The following CAMK4 variants were observed in gnomAD, a reference collection of about 807,000 sequenced individuals.
CAMK4 encodes the protein calcium/calmodulin dependent protein kinase IV, also known as calcium/calmodulin-dependent protein kinase type IV.
In CAMK4, 22 loss-of-function variants were observed where a neutral mutation model predicts 44.9. The observed-to-expected ratio is 0.49, with a 90% CI of 0.35 to 0.70. The LOEUF is 0.70. CAMK4 is among the 30% of genes least tolerant of loss of function. The pLI is 0.01. For synonymous variants in CAMK4, 218 were observed against 215.4 expected, an observed-to-expected ratio of 1.01 and a Z score of -0.11; for missense variants, 498 against 586.8, an observed-to-expected ratio of 0.85 and a Z score of 1.56.
intron 1 of CAMK4, among the ~76,000 whole-genome samples, chr5:111,291,965 T>C (rs1747281200): frequency 6.6e-6 from 1 of 152,246 alleles, no homozygotes; most frequent in Admixed American, 6.5e-5. Flanking sequence ...ATAAAACATG[T>C]GTTTTAATAA....
chr5:111,434,577 T>G (rs1238105312), intron 5 of CAMK4, among the ~76,000 whole-genome samples: 1 of 152,204 alleles, frequency 6.6e-6, no homozygotes, highest in Non-Finnish European at 1.5e-5. Flanking sequence ...CAGACAGTCC[T>G]AACCAGGCCT....
intron 2 of CAMK4, among the ~76,000 whole-genome samples, chr5:111,360,648 G>C (rs930825484): frequency 2.6e-5 from 4 of 152,066 alleles, no homozygotes; most frequent in African/African-American, 9.7e-5. Context: ...TTACTCAGAA[G>C]AAGAGACTTA....
chr5:111,349,915 A>G (rs1334757417), intron 2 of CAMK4, among the ~76,000 whole-genome samples: 1 of 151,986 alleles, frequency 6.6e-6, no homozygotes, highest in Non-Finnish European at 1.5e-5. Flanking sequence ...GTATTAATCT[A>G]ACTATAAAAT....
intron 4 of CAMK4, among the ~76,000 whole-genome samples, chr5:111,384,550 A>T (rs567128015): frequency 1.6e-4 from 24 of 152,288 alleles, no homozygotes; most frequent in African/African-American, 5.8e-4. Context: ...TAGCACCTCT[A>T]AATCAAATGA....
intron 2 of CAMK4, among the ~76,000 whole-genome samples, chr5:111,366,170 G>A (rs546002157): frequency 2.0e-5 from 3 of 152,240 alleles, no homozygotes; most frequent in South Asian, 4.1e-4. Context: ...GCACAATTAT[G>A]TACTTAGCAT....
At chr5:111,432,783 A>G (rs932794359) in intron 5 of CAMK4, among the ~76,000 whole-genome samples, 4 of 151,886 alleles carry the variant, frequency 2.6e-5, no homozygotes, top group Admixed American at 6.6e-5. Flanking sequence ...TTGTTGATAT[A>G]TACCAGAGAT....
intron 1 of CAMK4, among the ~76,000 whole-genome samples, chr5:111,334,447 G>T (rs1749309014): frequency 6.6e-6 from 1 of 151,276 alleles, no homozygotes; most frequent in Admixed American, 6.6e-5. Flanking sequence ...CCCAAGAATG[G>T]GCCAAGATGT....
intron 2 of CAMK4, among the ~76,000 whole-genome samples, chr5:111,359,974 T>G (rs1750524905): frequency 1.3e-5 from 2 of 152,086 alleles, no homozygotes; most frequent in African/African-American, 4.8e-5. Context: ...CATCCTCATC[T>G]TTTAAATTTT....
chr5:111,378,339 T>G (rs1303113755), intron 4 of CAMK4, among the ~76,000 whole-genome samples: 3 of 152,176 alleles, frequency 2.0e-5, no homozygotes, highest in African/African-American at 7.2e-5. Context: ...GTTATGCTAT[T>G]TTTAAATAGC....
At chr5:111,239,542 G>T (rs186956031) in intron 1 of CAMK4, among the ~76,000 whole-genome samples, 6 of 152,264 alleles carry the variant, frequency 3.9e-5, no homozygotes. Flanking sequence ...TAAATATTAA[G>T]ATAAATGAAA....
At chr5:111,379,973 A>T (rs1457849903) in intron 4 of CAMK4, among the ~76,000 whole-genome samples, 7 of 152,144 alleles carry the variant, frequency 4.6e-5, no homozygotes, top group Non-Finnish European at 2.9e-5. Context: ...GAAAAATCTA[A>T]AACATAAATA....
chr5:111,251,928 T>C (rs1749516211), intron 1 of CAMK4, among the ~76,000 whole-genome samples: 1 of 152,184 alleles, frequency 6.6e-6, no homozygotes, highest in Admixed American at 6.5e-5. Flanking sequence ...ATCTTATTGC[T>C]ACTAATGAAC....
At chr5:111,451,494 G>A (rs1754235909) in intron 7 of CAMK4, among the ~76,000 whole-genome samples, 1 of 151,992 alleles carries the variant, frequency 6.6e-6, no homozygotes, top group African/African-American at 2.4e-5. Context: ...CGCTATGTTG[G>A]CCAGGCTGGT....
In CAMK4 at chr5:111,386,267, A is replaced by G. The variant is rs372583352; in HGVS notation, c.387-8443A>G. 2.6e-5 allele frequency among the ~76,000 whole-genome samples: 4 copies of G among 152,216 alleles called. No individual in the cohort carries two copies. In the East Asian group the frequency reaches 7.7e-4, roughly 29 times the overall value. ...AATATAATTTTGTATGTAACAGCAT[A>G]ATGGTGTACTGGCAGCCCTTAAGAC... On this transcript the variant is annotated intron_variant, in intron 4 of 10. Coordinates refer to ENST00000282356, the MANE Select transcript of CAMK4 (RefSeq NM_001744.6).
chr5:111,394,460 C>T (rs999341949), intron 4 of CAMK4, among the ~76,000 whole-genome samples: 2 of 152,092 alleles, frequency 1.3e-5, no homozygotes, highest in Admixed American at 1.3e-4. Flanking sequence ...AAGCTTAAAA[C>T]AGACAAAGTG....
In CAMK4 at chr5:111,308,861, T is replaced by A. The variant is rs1333476087; in HGVS notation, c.162-35163T>A. Among the ~76,000 whole-genome samples, 4 of 152,340 alleles carry A rather than the reference T, an allele frequency of 2.6e-5. No homozygotes were observed. In the South Asian group the frequency reaches 8.3e-4, roughly 32 times the overall value. ...TCAGTAATCTTAAAATTACATGTAT[T>A]TAATTATAGATGAAAAATAATTGAG... On this transcript the variant is annotated intron_variant, in intron 1 of 10. Transcript: ENST00000282356.
intron 1 of CAMK4, among the ~76,000 whole-genome samples, chr5:111,263,404 A>T (rs537413677): frequency 7.4e-4 from 113 of 152,312 alleles, no homozygotes; most frequent in African/African-American, 2.6e-3. Flanking sequence ...GACAATAAAT[A>T]ATTTGAGCTC....
chr5:111,300,737 G>C (rs568222805), intron 1 of CAMK4, among the ~76,000 whole-genome samples: 1 of 152,068 alleles, frequency 6.6e-6, no homozygotes, highest in Non-Finnish European at 1.5e-5. Context: ...GGAGAGAGAT[G>C]TTATAAAAAA....
At chr5:111,246,176 C>G (rs956311012) in intron 1 of CAMK4, among the ~76,000 whole-genome samples, 1 of 152,176 alleles carries the variant, frequency 6.6e-6, no homozygotes, top group Non-Finnish European at 1.5e-5. Flanking sequence ...GGTTTGTTCA[C>G]ATAAATGTAT....
Sources: allele counts gnomAD v4.1 joint callset (sites outside exome capture counted in the v4.1 genomes callset), GRCh38; gene constraint gnomAD v4.1.1; transcripts MANE v1.5; gene names NCBI Gene and HGNC (gene_info 2026-07-23, HGNC 2026-07-21).